The following BTBD9 variants were observed in gnomAD, a reference collection of about 807,000 sequenced individuals.
The protein encoded by BTBD9 is BTB/POZ domain-containing protein 9.
BTBD9 carries 49 observed loss-of-function variants against 64.3 expected under a neutral mutation model. That is an observed-to-expected ratio of 0.76 (90% CI 0.61 to 0.97). The LOEUF (loss-of-function observed/expected upper bound fraction) is 0.97, where lower values mean the gene tolerates loss of function less well. Among genes scored for constraint, BTBD9 ranks in the 50% least tolerant of loss-of-function variants. BTBD9 has a pLI of 0.00. For synonymous variants in BTBD9, 260 were observed against 274.7 expected (o/e 0.95, Z 0.53); for missense variants, 598 against 762.1 (o/e 0.78, Z 2.53).
chr6:38,239,457 A>T (rs201038160), intron 9 of BTBD9, among the ~76,000 whole-genome samples: 2,596 of 151,216 alleles, frequency 0.017, 39 homozygotes, highest in East Asian at 0.048. Context: ...AAAAAAAAAA[A>T]AAAGATATAA....
intron 6 of BTBD9, among the ~76,000 whole-genome samples, chr6:38,421,568 C>T (rs541508774): frequency 2.9e-4 from 44 of 152,262 alleles, no homozygotes; most frequent in African/African-American, 1.0e-3. Flanking sequence ...GACAGGCTTC[C>T]GTATATTGGC....
chr6:38,624,413 G>T (rs1781712), intron 1 of BTBD9, among the ~76,000 whole-genome samples: 27 of 151,988 alleles, frequency 1.8e-4, no homozygotes, highest in African/African-American at 5.8e-4. Flanking sequence ...TAACACTCAC[G>T]GCGAAGGTCC....
rs199931370 is a variant in BTBD9, at chr6:38,569,636, CCTGTT to C, written c.1154+7959_1154+7963del. ...ATACAATGCAAAGGAAAAGGGCAAT[CCTGTT>C]CTGTTTTCTCACACAAAAGAAGCTC... is the stretch of plus-strand genomic sequence containing the variant. On this transcript the variant is annotated intron_variant, in intron 6 of 10. Coordinates refer to ENST00000481247, the MANE Select transcript of BTBD9 (RefSeq NM_001099272.2). Among the ~76,000 whole-genome samples the C allele has an allele frequency of 1.4e-4, 21 of 152,162 alleles. No homozygotes were observed. In the East Asian group the frequency reaches 3.7e-3, roughly 27 times the overall value.
intron 6 of BTBD9, among the ~76,000 whole-genome samples, chr6:38,519,611 C>T (rs1184024148): frequency 1.3e-5 from 2 of 152,218 alleles, no homozygotes; most frequent in Admixed American, 6.5e-5. Context: ...ACTCAAGCTG[C>T]AGTCCCACTC....
intron 7 of BTBD9, among the ~76,000 whole-genome samples, chr6:38,315,373 GTTGT>G (rs1762994671): frequency 2.0e-5 from 3 of 151,752 alleles, no homozygotes; most frequent in Non-Finnish European, 4.4e-5. Flanking sequence ...AAATCATTAG[GTTGT>G]TTATTTGAAG....
intron 10 of BTBD9, among the ~76,000 whole-genome samples, chr6:38,183,882 T>G (rs923616548): frequency 6.6e-6 from 1 of 152,186 alleles, no homozygotes; most frequent in Middle Eastern, 3.4e-3. Context: ...TGGCCCATGG[T>G]CTGATTTATG....
At chr6:38,253,754 T>C (rs138843427) in intron 9 of BTBD9, among the ~76,000 whole-genome samples, 281 of 152,226 alleles carry the variant, frequency 1.8e-3, no homozygotes, top group African/African-American at 5.9e-3. Flanking sequence ...TCGTATTGTA[T>C]AAAAAGGGTT....
In BTBD9 at chr6:38,436,072, T is replaced by A. The variant is rs1582426612; in HGVS notation, c.1155-90979A>T. ...AGCAAAATCATGAAATGTCATAAATTCCTTAAGTATCCTGAAACTGAAAGT... is the reference window on the plus strand; with the variant it reads ...AGCAAAATCATGAAATGTCATAAATACCTTAAGTATCCTGAAACTGAAAGT... On this transcript the variant is annotated intron_variant, in intron 6 of 10. Coordinates refer to ENST00000481247, the MANE Select transcript of BTBD9 (RefSeq NM_001099272.2). Among the ~76,000 whole-genome samples the A allele has an allele frequency of 3.3e-5, 5 of 151,960 alleles. 2 individuals are homozygous for A. Among genetic ancestry groups the A allele is most frequent in the Admixed American group, 3.3e-4 (5 of 15,268 alleles).
In BTBD9 at chr6:38,359,815, G is replaced by A. The variant is rs1057398212; in HGVS notation, c.1155-14722C>T. Among the ~76,000 whole-genome samples the A allele has an allele frequency of 2.0e-5, 3 of 152,036 alleles. No homozygotes were observed. The East Asian group carries it at 5.8e-4, about 29-fold the overall frequency. ...AGAGGTTCTTTGGTGGGGATAGAAG[G>A]TTAAGCTTTGGGGGTTGTGGCACGA... On this transcript the variant is annotated intron_variant, in intron 6 of 10. Transcript: ENST00000481247.
chr6:38,468,142 G>C (rs927966288), intron 6 of BTBD9, among the ~76,000 whole-genome samples: 1 of 152,052 alleles, frequency 6.6e-6, no homozygotes, highest in African/African-American at 2.4e-5. Context: ...GCTTCCCGAA[G>C]TGCTGAGATT....
chr6:38,414,947 C>T (rs1392747775), intron 6 of BTBD9, among the ~76,000 whole-genome samples: 2 of 152,096 alleles, frequency 1.3e-5, no homozygotes, highest in Non-Finnish European at 2.9e-5. Flanking sequence ...AGCTCCAGAC[C>T]CATACTTTCA....
chr6:38,621,751 C>T (rs1186846293), intron 1 of BTBD9, among the ~76,000 whole-genome samples: 2 of 152,162 alleles, frequency 1.3e-5, no homozygotes, highest in South Asian at 2.1e-4. Context: ...TGTACAAAAA[C>T]CCAAGGAGGT....
intron 9 of BTBD9, among the ~76,000 whole-genome samples, chr6:38,217,096 C>G (rs1412579832): frequency 6.7e-6 from 1 of 148,854 alleles, no homozygotes; most frequent in Non-Finnish European, 1.5e-5. Context: ...ATCATGAGGT[C>G]AGGAGATCAA....
At chr6:38,216,821 T>C (rs1763023022) in intron 9 of BTBD9, among the ~76,000 whole-genome samples, 1 of 152,206 alleles carries the variant, frequency 6.6e-6, no homozygotes, top group Non-Finnish European at 1.5e-5. Context: ...CAAGTGATTC[T>C]GATGCACATT....
chr6:38,194,705 G>A (rs1027761860), intron 9 of BTBD9, among the ~76,000 whole-genome samples: 22 of 152,166 alleles, frequency 1.4e-4, no homozygotes, highest in African/African-American at 2.2e-4. Flanking sequence ...GTGAGGTCTC[G>A]CTGGGAGCCG....
rs185401597 is a variant in BTBD9, at chr6:38,493,852, A to G, written c.1154+83748T>C. Among the ~76,000 whole-genome samples the G allele has an allele frequency of 3.9e-3, 598 of 152,360 alleles. 4 individuals are homozygous for G. The highest frequency in any genetic ancestry group is 5.6e-3 in the Admixed American group (85 of 15,302). On this transcript the variant is annotated intron_variant, in intron 6 of 10. Coordinates refer to ENST00000481247, the MANE Select transcript of BTBD9 (RefSeq NM_001099272.2). Reference sequence around the variant, plus strand: ...AGCGTTTTTAACTTTAATTAGTCACATTAATTAATGCTAAAAACCAATGTT... The same window carrying G: ...AGCGTTTTTAACTTTAATTAGTCACGTTAATTAATGCTAAAAACCAATGTT...
intron 8 of BTBD9, among the ~76,000 whole-genome samples, chr6:38,269,101 A>C (rs1765116352): frequency 6.6e-6 from 1 of 152,244 alleles, no homozygotes; most frequent in Non-Finnish European, 1.5e-5. Flanking sequence ...ACTTAGAATA[A>C]GTACATTTTT....
At chr6:38,249,354 A>C (rs1289745921) in intron 9 of BTBD9, among the ~76,000 whole-genome samples, 1 of 152,098 alleles carries the variant, frequency 6.6e-6, no homozygotes, top group East Asian at 1.9e-4. Context: ...TCCTGGCTTC[A>C]GCAATCCTCC....
intron 6 of BTBD9, among the ~76,000 whole-genome samples, chr6:38,382,788 T>C (rs1765993961): frequency 6.6e-6 from 1 of 152,108 alleles, no homozygotes; most frequent in African/African-American, 2.4e-5. Context: ...TTTAAGTCAA[T>C]AAATTCGAAA....
Sources: allele counts gnomAD v4.1 joint callset (sites outside exome capture counted in the v4.1 genomes callset), GRCh38; gene constraint gnomAD v4.1.1; transcripts MANE v1.5; gene names NCBI Gene and HGNC (gene_info 2026-07-23, HGNC 2026-07-21).